Variants in TM2D3 observed in about 807,000 individuals in gnomAD.
TM2D3 encodes TM2 domain-containing protein 3.
A neutral mutation model predicts 27.3 loss-of-function variants in TM2D3; 33 were observed. The ratio of observed to expected loss-of-function variants is 1.21; its 90% CI spans 0.92 to 1.61. TM2D3 has a LOEUF of 1.61. TM2D3 is among the 40% of genes most tolerant of loss of function. TM2D3 has a pLI of 0.00. For synonymous variants in TM2D3, 138 were observed against 122.2 expected, an observed-to-expected ratio of 1.13 and a Z score of -0.85; for missense variants, 364 against 320.8, an observed-to-expected ratio of 1.13 and a Z score of -1.03.
intron 5 of TM2D3, among the ~76,000 whole-genome samples, chr15:101,643,669 T>C (rs563010654): frequency 2.7e-5 from 4 of 148,902 alleles, no homozygotes; most frequent in African/African-American, 9.9e-5. Context: ...GTTTTAATTG[T>C]TGAAAGTATG....
intron 4 of TM2D3, chr15:101,646,481 G>A (rs1896813356): frequency 6.3e-6 from 3 of 475,934 alleles, no homozygotes; most frequent in Admixed American, 3.4e-5. Context: ...CAATTACTGT[G>A]TATTATGCTT....
At chr15:101,645,965 G>A (rs917233108) in intron 4 of TM2D3, 5 of 152,216 alleles carry the variant, frequency 3.3e-5, no homozygotes, top group African/African-American at 9.7e-5. Context: ...TACATAGCGC[G>A]GGTGGGAATG....
At chr15:101,646,493 A>C (rs1896813702) in intron 4 of TM2D3, 1 of 429,488 alleles carries the variant, frequency 2.3e-6, no homozygotes, top group African/African-American at 2.5e-5. Context: ...ATTATGCTTT[A>C]TACTTCAAAT....
In TM2D3 at chr15:101,651,467, T is replaced by C. The variant is rs144547412; in HGVS notation, c.169+229A>G. ...AAAATAATAGAAATAAGGTGACAAA[T>C]GAGCGTGGGATTGGAAAAAGAGAGG... On this transcript the variant is annotated intron_variant, in intron 2 of 5. Coordinates refer to ENST00000333202, the MANE Select transcript of TM2D3 (RefSeq NM_078474.3). 1,204 of 498,678 alleles carry C rather than the reference T, an allele frequency of 2.4e-3. 5 individuals are homozygous for C. Among genetic ancestry groups the C allele is most frequent in the Non-Finnish European group, 2.9e-3 (810 of 281,402 alleles). The allele number at this position is 498,678 out of a possible 1,614,324, so 30.9% of individuals were successfully genotyped here.
At chr15:101,648,149 G>C (rs1319844993) in intron 3 of TM2D3, 1 of 151,940 alleles carries the variant, frequency 6.6e-6, no homozygotes, top group Non-Finnish European at 1.5e-5. Flanking sequence ...CACCTGCCTC[G>C]GCCTGCCAAA....
chr15:101,638,647 A>C (rs970014396), downstream of TM2D3, among the ~76,000 whole-genome samples: 3 of 152,128 alleles, frequency 2.0e-5, no homozygotes, highest in African/African-American at 7.2e-5. Context: ...CATTTGCGGG[A>C]GTAATCTTAC....
intron 4 of TM2D3, chr15:101,635,185 C>G (rs2141355293): frequency 6.6e-6 from 1 of 151,926 alleles, no homozygotes; most frequent in Middle Eastern, 3.4e-3. Flanking sequence ...AATCTTTTGA[C>G]CAAAAGGAAT....
At chr15:101,646,972 G>T in intron 3 of TM2D3, 73 bp from the exon 4 acceptor site, 2 of 1,532,040 alleles carry the variant, frequency 1.3e-6, no homozygotes, top group Non-Finnish European at 1.8e-6. Flanking sequence ...AGACTACACA[G>T]TCACATGGCA....
rs182388313 is a variant in TM2D3 at position 101,650,274 on chromosome 15, G to A, written c.170-113C>T. The A allele has an allele frequency of 5.7e-4, 631 of 1,102,480 alleles. 3 individuals carry two copies. The African/African-American group carries it at 9.2e-3, about 16-fold the overall frequency. The allele number at this position is 1,102,480 out of a possible 1,614,324, so 68.3% of individuals were successfully genotyped here. On this transcript the variant is annotated intron_variant, in intron 2 of 5. Coordinates refer to ENST00000333202, the MANE Select transcript of TM2D3 (RefSeq NM_078474.3). ...TTAGCAAGTAGACACTGCACTGGAA[G>A]GGAAGAAGCATGGGACTGGAGTCAG...
chr15:101,633,904 T>C (rs1239158446), intron 4 of TM2D3: 2 of 470,648 alleles, frequency 4.2e-6, no homozygotes, highest in Admixed American at 7.6e-5. Context: ...GACATTGGGA[T>C]TACCTGACAA....
At chr15:101,643,361 G>A (rs1339029394) in intron 5 of TM2D3, among the ~76,000 whole-genome samples, 1 of 152,060 alleles carries the variant, frequency 6.6e-6, no homozygotes, top group East Asian at 1.9e-4. Flanking sequence ...CCAGCACTCT[G>A]GGAGGCTGAG....
chr15:101,648,425 T>C (rs567011369), intron 3 of TM2D3: 1 of 152,366 alleles, frequency 6.6e-6, no homozygotes, highest in Non-Finnish European at 1.5e-5. Context: ...TACGTTTACA[T>C]CTGCCTATTT....
downstream of TM2D3, chr15:101,636,952 A>T: frequency 2.3e-6 from 1 of 426,862 alleles, no homozygotes; most frequent in South Asian, 1.7e-5. Context: ...ATATTTGAAG[A>T]GATTTATTCC....
At chr15:101,636,542 A>T (rs976884062) in intron 4 of TM2D3, 6 of 153,952 alleles carry the variant, frequency 3.9e-5, no homozygotes, top group African/African-American at 1.4e-4. Context: ...GAGTCCTTGT[A>T]ATAGTTCTTA....
At chr15:101,633,634 T>C (rs1896494087) in exon 5 of TM2D3, 1 of 1,498,986 alleles carries the variant, frequency 6.7e-7, no homozygotes, top group African/African-American at 1.4e-5. Flanking sequence ...TCTCATGCTC[T>C]TCTTCTCACG....
chr15:101,633,426 C>G (rs1896490376), exon 5 of TM2D3: 1 of 383,194 alleles, frequency 2.6e-6, no homozygotes, highest in South Asian at 1.1e-4. Context: ...ATCTTGGAGT[C>G]TTCTTCCAAC....
At chr15:101,649,507 T>A (rs1402007918) in intron 3 of TM2D3, among the ~76,000 whole-genome samples, 1 of 152,232 alleles carries the variant, frequency 6.6e-6, no homozygotes, top group Non-Finnish European at 1.5e-5. Context: ...GAATTTATTC[T>A]GGATAAGACA....
rs1420582906 is a variant in TM2D3 at position 101,651,684 on chromosome 15, A to T, written c.169+12T>A. On this transcript the variant is annotated intron_variant, in intron 2 of 5. Coordinates refer to ENST00000333202, the MANE Select transcript of TM2D3 (RefSeq NM_078474.3). ...ACTACATGTATTTACTAGAATAGAA[A>T]ACGTCTAGTACCTGCTGCCCTGGGA... The T allele has an allele frequency of 6.2e-7, 1 of 1,612,666 alleles. No homozygotes were observed. Among genetic ancestry groups the T allele is most frequent in the Non-Finnish European group, 8.5e-7 (1 of 1,178,892 alleles).
intron 5 of TM2D3, 66 bp from the exon 6 acceptor site, chr15:101,642,710 T>G: frequency 9.4e-6 from 13 of 1,376,450 alleles, no homozygotes; most frequent in Non-Finnish European, 1.3e-5. Flanking sequence ...AGTCACGGTT[T>G]AATCACCACA....
Sources: allele counts gnomAD v4.1 joint callset (sites outside exome capture counted in the v4.1 genomes callset), GRCh38; gene constraint gnomAD v4.1.1; transcripts MANE v1.5; gene names NCBI Gene and HGNC (gene_info 2026-07-23, HGNC 2026-07-21).